SYT14: variants seen among roughly 807,000 people sequenced by gnomAD.
SYT14 encodes the protein synaptotagmin 14, also known as synaptotagmin-14.
In SYT14, 32 loss-of-function variants were observed where a neutral mutation model predicts 74.2. That is an observed-to-expected ratio of 0.43 (90% confidence interval 0.33 to 0.58). The LOEUF (loss-of-function observed/expected upper bound fraction) is 0.58. Ranked by LOEUF, SYT14 falls within the 20% of genes least tolerant of loss-of-function variation. The pLI is 0.05. For synonymous variants in SYT14, 298 were observed against 337.7 expected, an observed-to-expected ratio of 0.88 and a Z score of 1.29; for missense variants, 791 against 981.8, an observed-to-expected ratio of 0.81 and a Z score of 2.60.
At chr1:210,076,370 A>G (rs2081500909) in intron 5 of SYT14, among the ~76,000 whole-genome samples, 1 of 152,194 alleles carries the variant, frequency 6.6e-6, no homozygotes. Flanking sequence ...AACCATCACA[A>G]TAATTTAATT....
chr1:210,152,944 T>G (rs1397509645), intron 7 of SYT14, among the ~76,000 whole-genome samples: 1 of 152,150 alleles, frequency 6.6e-6, no homozygotes, highest in Non-Finnish European at 1.5e-5. Context: ...CCCAACATGT[T>G]TTACTTAAAA....
chr1:210,066,947 G>A (rs955044914), intron 5 of SYT14, among the ~76,000 whole-genome samples: 23 of 151,930 alleles, frequency 1.5e-4, no homozygotes, highest in African/African-American at 5.3e-4. Flanking sequence ...TATACTTTAA[G>A]CTCTTATATT....
chr1:210,128,779 A>AT (rs1001583403), intron 7 of SYT14, among the ~76,000 whole-genome samples: 4 of 152,222 alleles, frequency 2.6e-5, no homozygotes. Flanking sequence ...CTAGGAATCT[A>AT]TTTTAAACAA....
At chr1:210,074,471 A>G (rs227201) in intron 5 of SYT14, among the ~76,000 whole-genome samples, 52,169 of 152,030 alleles carry the variant, frequency 0.34, 9,915 homozygotes, top group Non-Finnish European at 0.42. Context: ...AGGTATTGAT[A>G]CAAACATAGG....
intron 2 of SYT14, among the ~76,000 whole-genome samples, chr1:210,000,008 A>G (rs147588184): frequency 9.8e-5 from 15 of 152,304 alleles, no homozygotes; most frequent in African/African-American, 3.6e-4. Flanking sequence ...AAAATATCAG[A>G]TGTACCCCAT....
At chr1:210,013,640 AGAGGCAGTT>A in exon 3 of SYT14, 1 of 1,613,004 alleles carries the variant, frequency 6.2e-7, no homozygotes, top group Non-Finnish European at 8.5e-7. Context: ...TAGTATCTCC[AGAGGCAGTT>A]GGATTTTTGT....
At chr1:210,052,536 G>A (rs1290320598) in intron 5 of SYT14, among the ~76,000 whole-genome samples, 3 of 151,294 alleles carry the variant, frequency 2.0e-5, no homozygotes, top group South Asian at 4.2e-4. Context: ...GGTGGCGGGC[G>A]CCAATAATCC....
intron 2 of SYT14, among the ~76,000 whole-genome samples, chr1:209,974,308 T>A (rs1436651271): frequency 1.3e-5 from 2 of 152,170 alleles, no homozygotes; most frequent in African/African-American, 4.8e-5. Flanking sequence ...CTGAATGGTA[T>A]TGCCTAGGTT....
chr1:210,075,871 G>A (rs1398198555), intron 5 of SYT14, among the ~76,000 whole-genome samples: 1 of 152,110 alleles, frequency 6.6e-6, no homozygotes, highest in Non-Finnish European at 1.5e-5. Context: ...GTATATCTTT[G>A]CTATTAATAG....
chr1:209,954,072 A>G (rs2078954233), intron 2 of SYT14, among the ~76,000 whole-genome samples: 1 of 152,246 alleles, frequency 6.6e-6, no homozygotes, highest in African/African-American at 2.4e-5. Flanking sequence ...AAAACTTTTT[A>G]AAACTTTTAA....
intron 7 of SYT14, among the ~76,000 whole-genome samples, chr1:210,123,863 C>G (rs913327436): frequency 6.6e-6 from 1 of 151,902 alleles, no homozygotes; most frequent in Non-Finnish European, 1.5e-5. Flanking sequence ...GACAAGAAAA[C>G]TAAAAACTAA....
At chr1:209,959,702 A>C (rs1449018461) in intron 2 of SYT14, among the ~76,000 whole-genome samples, 1 of 152,234 alleles carries the variant, frequency 6.6e-6, no homozygotes, top group Non-Finnish European at 1.5e-5. Context: ...GATTTCATTC[A>C]TATGAAATGT....
Position 210,000,613 on chromosome 1 carries a change from C to CTTTTTTTTTTTTTT in SYT14, c.-485-13014_-485-13001dup, listed in dbSNP as rs71146203. Among the ~76,000 whole-genome samples the CTTTTTTTTTTTTTT allele has an allele frequency of 4.2e-4, 44 of 105,418 alleles. 3 individuals carry two copies. Among genetic ancestry groups the CTTTTTTTTTTTTTT allele is most frequent in the African/African-American group, 1.7e-3 (44 of 26,522 alleles). 69.2% of individuals were successfully genotyped at this position (105,418 alleles called of 152,430 possible). A position where few individuals can be genotyped will look rare whatever the true frequency, so the allele number is the denominator to read the frequency against. On this transcript the variant is annotated intron_variant, in intron 2 of 9. Coordinates refer to ENST00000637265, the Ensembl canonical transcript of SYT14. ...TTTCATTAGGGCTGTTTTATGCCTT[C>CTTTTTTTTTTTTTT]TTTTTTTTTTTTTTTTTTTGAGATA...
At chr1:210,117,454 A>G (rs2082382743) in intron 7 of SYT14, among the ~76,000 whole-genome samples, 1 of 152,170 alleles carries the variant, frequency 6.6e-6, no homozygotes, top group South Asian at 2.1e-4. Flanking sequence ...TTTGTAAAAC[A>G]ATTTGTAATA....
chr1:210,104,574 A>G (rs1324003734), intron 7 of SYT14, among the ~76,000 whole-genome samples: 1 of 152,146 alleles, frequency 6.6e-6, no homozygotes, highest in African/African-American at 2.4e-5. Flanking sequence ...CTTTCTTAGT[A>G]TTTAACCCCA....
intron 7 of SYT14, among the ~76,000 whole-genome samples, chr1:210,115,017 C>T (rs1043031255): frequency 6.6e-6 from 1 of 151,006 alleles, no homozygotes; most frequent in Non-Finnish European, 1.5e-5. Flanking sequence ...GGAACAGAGA[C>T]TAGGGAGGGA....
intron 6 of SYT14, among the ~76,000 whole-genome samples, chr1:210,094,883 G>A (rs899267466): frequency 6.6e-6 from 1 of 151,462 alleles, no homozygotes; most frequent in Non-Finnish European, 1.5e-5. Flanking sequence ...TAATTTACCT[G>A]TTTATTTCAT....
rs1364163126 is a variant in SYT14 at position 209,960,495 on chromosome 1, C to G, written c.-486+7739C>G. Among the ~76,000 whole-genome samples the G allele has an allele frequency of 5.3e-5, 8 of 152,158 alleles. No homozygotes were observed. The South Asian group carries it at 8.3e-4, about 16-fold the overall frequency. ...TTTTTCCTTGACTAGAAGGAAGTCA[C>G]TTATTTAAACCACTAAAATATAAAT... On this transcript the variant is annotated intron_variant, in intron 2 of 9. Coordinates refer to ENST00000637265, the Ensembl canonical transcript of SYT14.
intron 4 of SYT14, among the ~76,000 whole-genome samples, chr1:210,017,274 A>G (rs1489680539): frequency 6.6e-6 from 1 of 152,138 alleles, no homozygotes; most frequent in Non-Finnish European, 1.5e-5. Flanking sequence ...TTCTAAAATC[A>G]TTTCAAGAGC....
Sources: gnomAD v4.1 joint callset for allele counts (sites outside exome capture counted in the v4.1 genomes callset) on GRCh38, gnomAD v4.1.1 for gene constraint, MANE v1.5 for transcripts, NCBI Gene and HGNC (gene_info 2026-07-23, HGNC 2026-07-21) for gene names.